TRIO: variants seen among roughly 807,000 people sequenced by gnomAD.
TRIO encodes triple functional domain protein.
Under a neutral mutation model 351.9 loss-of-function variants are expected in TRIO, and 58 were observed. The observed-to-expected ratio is 0.16, with a 90% CI of 0.13 to 0.21. The LOEUF (loss-of-function observed/expected upper bound fraction) is 0.21, where lower values mean the gene tolerates loss of function less well. Among genes scored for constraint, TRIO ranks in the 10% least tolerant of loss-of-function variants. TRIO has a pLI of 1.00. For missense variants in TRIO, 3,201 were observed against 4,027.8 expected (o/e 0.79, Z 5.56); for synonymous variants, 1,758 against 1,595.7 (o/e 1.10, Z -2.42).
At chr5:14,325,737 C>G (rs1280162837) in intron 9 of TRIO, among the ~76,000 whole-genome samples, 1 of 152,174 alleles carries the variant, frequency 6.6e-6, no homozygotes, top group East Asian at 1.9e-4. Context: ...AAATACTCTA[C>G]AAGACCACAA....
At chr5:14,334,343 A>G (rs1741198390) in intron 10 of TRIO, among the ~76,000 whole-genome samples, 2 of 152,158 alleles carry the variant, frequency 1.3e-5, no homozygotes, top group Admixed American at 1.3e-4. Flanking sequence ...CAGCCCTGGC[A>G]CCTTTTGTGC....
At chr5:14,197,557 AGCATCTCATATG>A (rs2152164886) in intron 1 of TRIO, among the ~76,000 whole-genome samples, 1 of 152,334 alleles carries the variant, frequency 6.6e-6, no homozygotes, top group African/African-American at 2.4e-5. Flanking sequence ...GCCAATTATA[AGCATCTCATATG>A]GCAACAGTAG....
chr5:14,178,514 C>T (rs564487218), intron 1 of TRIO, among the ~76,000 whole-genome samples: 15 of 152,172 alleles, frequency 9.9e-5, no homozygotes, highest in East Asian at 3.9e-4. Flanking sequence ...AAGCTGACCG[C>T]GTAATTGTCT....
intron 1 of TRIO, among the ~76,000 whole-genome samples, chr5:14,144,369 C>T (rs1290334836): frequency 1.3e-5 from 2 of 152,228 alleles, no homozygotes; most frequent in African/African-American, 4.8e-5. Context: ...TACCTGGACC[C>T]TCCTCGACCC....
At chr5:14,474,456 GT>G (rs1246303513) in intron 40 of TRIO, among the ~76,000 whole-genome samples, 1 of 151,962 alleles carries the variant, frequency 6.6e-6, no homozygotes, top group Non-Finnish European at 1.5e-5. Context: ...TATAATGTGG[GT>G]TTTTTGTGAA....
At chr5:14,313,560 G>A (rs1403901283) in intron 8 of TRIO, among the ~76,000 whole-genome samples, 2 of 152,050 alleles carry the variant, frequency 1.3e-5, no homozygotes, top group African/African-American at 4.8e-5. Flanking sequence ...CAAAACAATG[G>A]CTTAAGATGG....
intron 1 of TRIO, among the ~76,000 whole-genome samples, chr5:14,243,942 A>G (rs1445068261): frequency 1.3e-5 from 2 of 152,254 alleles, no homozygotes; most frequent in African/African-American, 2.4e-5. Flanking sequence ...ATGCAGGGCC[A>G]TGCCTGGCAG....
At chr5:14,264,100 TAATACATAATTA>T (rs2152264026) in intron 1 of TRIO, among the ~76,000 whole-genome samples, 1 of 152,338 alleles carries the variant, frequency 6.6e-6, no homozygotes, top group African/African-American at 2.4e-5. Flanking sequence ...ATTGCACAAT[TAATACATAATTA>T]AAACATCAAA....
At chr5:14,345,134 T>C (rs919812573) in intron 11 of TRIO, among the ~76,000 whole-genome samples, 3 of 152,196 alleles carry the variant, frequency 2.0e-5, no homozygotes, top group African/African-American at 7.2e-5. Context: ...GATGTAAAAT[T>C]GTGGTTTAAA....
chr5:14,412,073 C>T (rs949359289), intron 33 of TRIO, among the ~76,000 whole-genome samples: 3 of 151,724 alleles, frequency 2.0e-5, no homozygotes, highest in African/African-American at 4.9e-5. Context: ...CTGCAACCTC[C>T]GCCTCCCAGG....
chr5:14,259,474 C>A (rs940191610), intron 1 of TRIO, among the ~76,000 whole-genome samples: 3 of 152,186 alleles, frequency 2.0e-5, no homozygotes, highest in African/African-American at 7.2e-5. Context: ...TTTGTAATTT[C>A]TTAAATTTCT....
chr5:14,286,156 T>A lies in TRIO; in HGVS notation c.348-715T>A, dbSNP rs1048192144. Reference sequence around the variant, plus strand: ...AGTGACTCCCAGCACTGCCTTGACGTGTGTCAGAGGCCAGCAGTGTTAAGC... The same window carrying A: ...AGTGACTCCCAGCACTGCCTTGACGAGTGTCAGAGGCCAGCAGTGTTAAGC... On this transcript the variant is annotated intron_variant, in intron 3 of 56. Coordinates refer to ENST00000344204, the MANE Select transcript of TRIO (RefSeq NM_007118.4). The surrounding 1 kb of genome is among the most constrained non-coding windows in gnomAD (Gnocchi z 4.4). Among the ~76,000 whole-genome samples the A allele has an allele frequency of 1.3e-5, 2 of 151,928 alleles. No homozygotes were observed. The highest frequency in any genetic ancestry group is 2.4e-5 in the African/African-American group (1 of 41,314).
chr5:14,367,117 A>G (rs1744668242), intron 16 of TRIO, 138 bp downstream of exon 16: 1 of 1,228,250 alleles, frequency 8.1e-7, no homozygotes, highest in African/African-American at 1.5e-5. Flanking sequence ...CCAAATTGGC[A>G]ACGCTTCTAA....
In TRIO at chr5:14,169,098, C is replaced by T. The variant is rs952922269; in HGVS notation, c.157+25216C>T. ...AGGTGAATGCATGGTTTAGGTTTCT[C>T]GTTCTTTGTGTTGGACAGAATTAAA... is the stretch of plus-strand genomic sequence containing the variant. On this transcript the variant is annotated intron_variant, in intron 1 of 56. Coordinates refer to ENST00000344204, the MANE Select transcript of TRIO (RefSeq NM_007118.4). 4.0e-5 allele frequency among the ~76,000 whole-genome samples: 6 copies of T among 151,600 alleles called. No individual in the cohort carries two copies. In the East Asian group the frequency reaches 5.8e-4, roughly 15 times the overall value.
At chr5:14,485,292 A>G in intron 47 of TRIO, 46 bp downstream of exon 47, 1 of 1,513,534 alleles carries the variant, frequency 6.6e-7, no homozygotes, top group Non-Finnish European at 8.9e-7. Flanking sequence ...TTCCTCGTGT[A>G]CTCACTTGTA....
rs752651433 is a variant in TRIO at position 14,473,996 on chromosome 5, C to T, written c.5982C>T (p.Gly1994=). ...YVRDLGYVVE[G]YMALMKEDGV... ...TTATCATAACTGTTTAATTGTAGGG[C>T]TACATGGCACTTATGAAAGAAGATG... The change falls in exon 40 of 57, where the codon GGC becomes GGT. Residue 1994 remains glycine (G), a splice_region_variant and synonymous_variant. Coordinates refer to ENST00000344204, the MANE Select transcript of TRIO (RefSeq NM_007118.4). 17 of 1,611,916 alleles carry T rather than the reference C, an allele frequency of 1.1e-5. No individual in the cohort carries two copies. The highest frequency in any genetic ancestry group is 1.7e-5 in the Admixed American group (1 of 59,972).
chr5:14,331,151 T>C (rs1740873204), intron 10 of TRIO, among the ~76,000 whole-genome samples: 1 of 152,274 alleles, frequency 6.6e-6, no homozygotes, highest in South Asian at 2.1e-4. Flanking sequence ...TCTTGTTTAT[T>C]ATACCAGTGC....
intron 18 of TRIO, 25 bp from the exon 19 acceptor site, chr5:14,374,204 C>T: frequency 6.3e-7 from 1 of 1,588,684 alleles, no homozygotes; most frequent in Non-Finnish European, 8.6e-7. Flanking sequence ...AAATTAGCAA[C>T]ACATTGCTCT....
chr5:14,434,096 A>G (rs1431313654), intron 34 of TRIO, among the ~76,000 whole-genome samples: 6 of 152,242 alleles, frequency 3.9e-5, no homozygotes, highest in Non-Finnish European at 8.8e-5. Context: ...ATTGAAGTCC[A>G]AATTTTAAAT....
Sources: gnomAD v4.1 joint callset for allele counts (sites outside exome capture counted in the v4.1 genomes callset) on GRCh38, gnomAD v4.1.1 for gene constraint, Gnocchi (gnomAD v3.1) non-coding constraint, MANE v1.5 for transcripts, NCBI Gene and HGNC (gene_info 2026-07-23, HGNC 2026-07-21) for gene names.